Variants in NFATC3 observed in about 807,000 individuals in gnomAD.
NFATC3 encodes nuclear factor of activated T-cells, cytoplasmic 3.
In NFATC3, 46 loss-of-function variants were observed where a neutral mutation model predicts 98.6. The observed-to-expected ratio is 0.47, with a 90% CI of 0.37 to 0.60. The LOEUF is 0.60. NFATC3 is among the 20% of genes least tolerant of loss of function. NFATC3 has a pLI of 0.00. For missense variants in NFATC3, 1,256 were observed against 1,295.5 expected, an observed-to-expected ratio of 0.97 and a Z score of 0.47; for synonymous variants, 512 against 472.2, an observed-to-expected ratio of 1.08 and a Z score of -1.09.
intron 9 of NFATC3, among the ~76,000 whole-genome samples, chr16:68,195,233 C>T (rs1007046644): frequency 4.6e-5 from 7 of 151,850 alleles, no homozygotes; most frequent in African/African-American, 1.2e-4. Flanking sequence ...CCAGCTTGGG[C>T]GACAAGAACG....
intron 1 of NFATC3, among the ~76,000 whole-genome samples, chr16:68,100,107 T>C (rs181351338): frequency 6.6e-6 from 1 of 152,366 alleles, no homozygotes; most frequent in Admixed American, 6.5e-5. Flanking sequence ...TACAGTTTAA[T>C]TGTTTACCCA....
chr16:68,168,817 A>C (rs2039335075), intron 5 of NFATC3, among the ~76,000 whole-genome samples: 1 of 152,282 alleles, frequency 6.6e-6, no homozygotes, highest in East Asian at 1.9e-4. Flanking sequence ...ATCTGCTATA[A>C]AATCTTTCAT....
At position 68,122,553 on chromosome 16, in the gene NFATC3, A is replaced by G; in HGVS notation, c.670A>G (p.Thr224Ala). 1 of 1,614,110 alleles carries G rather than the reference A, an allele frequency of 6.2e-7. No homozygotes were observed. ...TCCAGGGGGCTGCCCTGGAGAAGAA[A>G]CTTGGCATCAACAGTATGGACTTGG... ...GSPGGCPGEE[T>A]WHQQYGLGHS... The change falls in exon 2 of 10, where the codon ACT becomes GCT. Residue 224 changes from threonine to alanine, a missense_variant. This residue lies in a region of NFATC3 where 464 missense variants were observed against 465.7 expected (regional missense o/e 1.00). Coordinates refer to ENST00000346183, the MANE Select transcript of NFATC3 (RefSeq NM_173165.3).
At chr16:68,224,123 GT>G (rs201168228) in intron 9 of NFATC3, among the ~76,000 whole-genome samples, 85 of 101,404 alleles carry the variant, frequency 8.4e-4, no homozygotes, top group African/African-American at 3.1e-3. Context: ...GCATGCACCA[GT>G]TTAAAAAAAA....
chr16:68,090,541 T>C (rs1328372540), intron 1 of NFATC3, among the ~76,000 whole-genome samples: 1 of 152,178 alleles, frequency 6.6e-6, no homozygotes, highest in Non-Finnish European at 1.5e-5. Flanking sequence ...TTAAGACATT[T>C]TTATCTGTTT....
intron 3 of NFATC3, among the ~76,000 whole-genome samples, chr16:68,139,027 T>C (rs1412500027): frequency 6.6e-6 from 1 of 152,182 alleles, no homozygotes; most frequent in Non-Finnish European, 1.5e-5. Context: ...CACTACGTTA[T>C]AGACAGTATT....
intron 3 of NFATC3, among the ~76,000 whole-genome samples, chr16:68,153,452 TTG>T (rs1390215371): frequency 6.6e-6 from 1 of 152,068 alleles, no homozygotes; most frequent in Non-Finnish European, 1.5e-5. Flanking sequence ...TAGCAAAGCA[TTG>T]TGTTTATTGT....
chr16:68,123,774 C>G (rs1339597572), intron 2 of NFATC3, among the ~76,000 whole-genome samples: 1 of 151,894 alleles, frequency 6.6e-6, no homozygotes, highest in Non-Finnish European at 1.5e-5. Context: ...CCGTTGAGCC[C>G]CAGAGTTCAA....
In NFATC3 at chr16:68,145,908, A is replaced by T. The variant is rs1369022588; in HGVS notation, c.1402-11961A>T. 2.6e-4 allele frequency among the ~76,000 whole-genome samples: 40 copies of T among 152,194 alleles called. 1 individual carries two copies. The highest frequency in any genetic ancestry group is 2.6e-3 in the Admixed American group (39 of 15,280). On this transcript the variant is annotated intron_variant, in intron 3 of 9. Transcript: ENST00000346183. ...TATCAGTGTCAATGTCCTGGTTTTGATACTGTGCTAACTACAGTTCAATAT... is the reference window on the plus strand; with the variant it reads ...TATCAGTGTCAATGTCCTGGTTTTGTTACTGTGCTAACTACAGTTCAATAT...
rs1012610489 is a variant in NFATC3, at chr16:68,226,954, A to G, written c.*483A>G. On this transcript the variant is annotated 3_prime_UTR_variant, in exon 10 of 10. Transcript: ENST00000346183. ...AAAAAGAAAAGAAAAAAAGAAAAAG[A>G]AAAAAATATCCCAAGCCCACACCTA... 6.6e-6 allele frequency: 1 copy of G among 151,506 alleles called. No homozygotes were observed. Among genetic ancestry groups the G allele is most frequent in the South Asian group, 2.1e-4 (1 of 4,790 alleles). 9.4% of individuals were successfully genotyped at this position (151,506 alleles called of 1,614,324 possible).
intron 1 of NFATC3, among the ~76,000 whole-genome samples, chr16:68,110,558 C>T (rs990530461): frequency 1.3e-5 from 2 of 152,002 alleles, no homozygotes; most frequent in Non-Finnish European, 1.5e-5. Context: ...TTGTGATCTG[C>T]CCGCCTCAGC....
At chr16:68,131,390 G>A (rs748946588) in intron 3 of NFATC3, among the ~76,000 whole-genome samples, 1 of 152,066 alleles carries the variant, frequency 6.6e-6, no homozygotes, top group Non-Finnish European at 1.5e-5. Context: ...TGATTCTTCT[G>A]CCTCAGCCTC....
intron 8 of NFATC3, among the ~76,000 whole-genome samples, chr16:68,184,737 G>A (rs2040103517): frequency 6.6e-6 from 1 of 152,070 alleles, no homozygotes; most frequent in Non-Finnish European, 1.5e-5. Context: ...CCAGGAGGCA[G>A]AGCTTGCAGT....
Position 68,143,804 on chromosome 16 carries a change from A to G in NFATC3, c.1402-14065A>G, listed in dbSNP as rs543137832. On this transcript the variant is annotated intron_variant, in intron 3 of 9. Transcript: ENST00000346183. The stretch of plus-strand genomic sequence containing the variant: ...GAGGTGGAGGCTGCAGTAAGCTGCT[A>G]TCACACCACTGCACTCCATCCTGGG... Among the ~76,000 whole-genome samples the G allele has an allele frequency of 5.4e-4, 83 of 152,310 alleles. 4 individuals are homozygous for G. The South Asian group carries it at 0.015, about 28-fold the overall frequency.
chr16:68,140,276 C>T (rs372592510), intron 3 of NFATC3, among the ~76,000 whole-genome samples: 33 of 152,272 alleles, frequency 2.2e-4, no homozygotes, highest in Admixed American at 1.4e-3. Context: ...TGAGCCACTG[C>T]GCCTGGCCAG....
At chr16:68,165,582 G>C (rs1382586097) in intron 4 of NFATC3, among the ~76,000 whole-genome samples, 1 of 151,980 alleles carries the variant, frequency 6.6e-6, no homozygotes, top group Non-Finnish European at 1.5e-5. Flanking sequence ...TTTTAGCAGA[G>C]ACAGGGTTTC....
chr16:68,121,575 A>C (rs2036583708), intron 1 of NFATC3, among the ~76,000 whole-genome samples: 1 of 151,430 alleles, frequency 6.6e-6, no homozygotes, highest in Non-Finnish European at 1.5e-5. Context: ...GAGGCTGAGG[A>C]AAGGATCACT....
At chr16:68,183,484 A>G (rs542530411) in intron 8 of NFATC3, 118 bp downstream of exon 8, 4 of 1,046,454 alleles carry the variant, frequency 3.8e-6, no homozygotes, top group Non-Finnish European at 5.4e-6. Context: ...TGAAAACACC[A>G]ACAGATGCCC....
At chr16:68,106,014 G>A (rs1215401678) in intron 1 of NFATC3, among the ~76,000 whole-genome samples, 1 of 151,912 alleles carries the variant, frequency 6.6e-6, no homozygotes, top group African/African-American at 2.4e-5. Context: ...TAGTAGCTGG[G>A]ATTACCACCA....
Sources: allele counts gnomAD v4.1 joint callset (sites outside exome capture counted in the v4.1 genomes callset), GRCh38; gene constraint gnomAD v4.1.1; regional missense constraint gnomAD v4.1.1; transcripts MANE v1.5; gene names NCBI Gene and HGNC (gene_info 2026-07-23, HGNC 2026-07-21).